SLC24A1: variants seen among roughly 807,000 people sequenced by gnomAD.
The protein encoded by SLC24A1 is sodium/potassium/calcium exchanger 1.
A neutral mutation model predicts 88.1 loss-of-function variants in SLC24A1; 52 were observed. That is an observed-to-expected ratio of 0.59 (90% CI 0.47 to 0.74). SLC24A1 has a LOEUF of 0.74. Among genes scored for constraint, SLC24A1 ranks in the 30% least tolerant of loss-of-function variants. The probability of loss-of-function intolerance (pLI) is 0.00; values close to 1 mark genes in which losing one functional copy is unlikely to be tolerated. For synonymous variants in SLC24A1, 455 were observed against 498.0 expected, an observed-to-expected ratio of 0.91 and a Z score of 1.15; for missense variants, 1,173 against 1,363.3, an observed-to-expected ratio of 0.86 and a Z score of 2.20.
intron 9 of SLC24A1, 69 bp downstream of exon 9, chr15:65,652,877 C>T: frequency 1.6e-6 from 2 of 1,283,282 alleles, no homozygotes; most frequent in African/African-American, 3.0e-5. Context: ...GCTCTGTTCA[C>T]TGGTTTTCTG....
downstream of SLC24A1, chr15:65,659,071 G>T (rs936294695): frequency 6.6e-6 from 1 of 152,152 alleles, no homozygotes; most frequent in African/African-American, 2.4e-5. Context: ...ATACGATATG[G>T]AATACAAATC....
rs760183851 is a variant in SLC24A1, at chr15:65,653,958, C to T, written c.3179C>T (p.Ala1060Val). The T allele has an allele frequency of 2.5e-5, 40 of 1,613,814 alleles. No individual in the cohort carries two copies. The South Asian group carries it at 2.7e-4, about 11-fold the overall frequency. Residue 1060 changes from alanine to valine, a missense_variant, in exon 10 of 10, where the codon GCG becomes GTG. Physicochemically the swap from Ala to Val is moderately conservative, Grantham distance 64. Transcript: ENST00000261892. ...CTTCTGTTTGTGATCTCTTCAATTG[C>T]GTCATGTAAATGGAGAATGAACAAG... is the stretch of plus-strand genomic sequence containing the variant. ...LMLLFVISSI[A>V]SCKWRMNKIL...
rs773726222 is a variant in SLC24A1, at chr15:65,624,950, C to T, written c.870C>T (p.Asn290=). Residue 290 remains asparagine (N), a synonymous_variant, in exon 2 of 10, where the codon AAC becomes AAT. Transcript: ENST00000261892. ...TTCCCCCCAGAAGAGTGGAAAGTAA[C>T]AGCTCAGCCCATCCCTGGGGGTTAG... ...NLFPPRRVES[N]SSAHPWGLVG... 2.5e-6 allele frequency: 4 copies of T among 1,610,508 alleles called. No homozygotes were observed. The highest frequency in any genetic ancestry group is 3.4e-5 in the Admixed American group (2 of 59,428).
chr15:65,657,403 A>G (rs895056512), downstream of SLC24A1, among the ~76,000 whole-genome samples: 1 of 152,136 alleles, frequency 6.6e-6, no homozygotes, highest in African/African-American at 2.4e-5. Flanking sequence ...GCACTTTGGG[A>G]GGCCAAGGTG....
At chr15:65,639,424 G>A (rs2075046551) in intron 3 of SLC24A1, among the ~76,000 whole-genome samples, 171 bp from the exon 4 acceptor site, 2 of 152,206 alleles carry the variant, frequency 1.3e-5, no homozygotes. Flanking sequence ...GGCTGAGAAA[G>A]AAAGTAGTGT....
chr15:65,628,537 C>A (rs74976533), intron 2 of SLC24A1, among the ~76,000 whole-genome samples: 1 of 152,326 alleles, frequency 6.6e-6, no homozygotes, highest in East Asian at 1.9e-4. Flanking sequence ...CTATTCCATA[C>A]ATACATTGTC....
At chr15:65,631,438 A>G (rs1249900506) in intron 2 of SLC24A1, among the ~76,000 whole-genome samples, 1 of 152,216 alleles carries the variant, frequency 6.6e-6, no homozygotes, top group Non-Finnish European at 1.5e-5. Context: ...ATAGAGAGTG[A>G]TTGTAAATAA....
At chr15:65,629,099 T>C (rs2074616708) in intron 2 of SLC24A1, among the ~76,000 whole-genome samples, 1 of 152,238 alleles carries the variant, frequency 6.6e-6, no homozygotes, top group Non-Finnish European at 1.5e-5. Context: ...CGTGGTATTT[T>C]AGTAAGAGCA....
chr15:65,637,321 A>T (rs1382652725), intron 2 of SLC24A1, among the ~76,000 whole-genome samples: 1 of 148,682 alleles, frequency 6.7e-6, no homozygotes, highest in Non-Finnish European at 1.5e-5. Context: ...GTTCACTGTT[A>T]TACAGCTTTC....
chr15:65,659,332 T>TG (rs1566974949), downstream of SLC24A1: 1 of 111,272 alleles, frequency 9.0e-6, no homozygotes, highest in African/African-American at 3.6e-5. Flanking sequence ...GTTTTTTTTT[T>TG]TTTTTTTTTT....
At chr15:65,618,694 A>G (rs189241737), upstream of SLC24A1, among the ~76,000 whole-genome samples, 2 of 151,980 alleles carry the variant, frequency 1.3e-5, no homozygotes, top group Non-Finnish European at 2.9e-5. Context: ...GCTTACAGGG[A>G]AAAAAAAGGT....
At chr15:65,657,370 G>T (rs372934763), downstream of SLC24A1, among the ~76,000 whole-genome samples, 1 of 152,150 alleles carries the variant, frequency 6.6e-6, no homozygotes, top group Non-Finnish European at 1.5e-5. Flanking sequence ...GGCCGGGCGC[G>T]GTGGCTCATG....
chr15:65,657,446 C>T (rs549009126), downstream of SLC24A1, among the ~76,000 whole-genome samples: 5 of 151,972 alleles, frequency 3.3e-5, no homozygotes, highest in South Asian at 1.0e-3. Flanking sequence ...TCGAGACCAT[C>T]CTGGCTAACA....
At chr15:65,659,873 C>G (rs2075802447), downstream of SLC24A1, 1 of 156,390 alleles carries the variant, frequency 6.4e-6, no homozygotes, top group African/African-American at 2.4e-5. Flanking sequence ...TGGTTTTACT[C>G]ATTCTTTGTC....
intron 2 of SLC24A1, among the ~76,000 whole-genome samples, chr15:65,613,488 G>GTGTGTGTGTGTT (rs2074039524): frequency 6.6e-6 from 1 of 151,740 alleles, no homozygotes; most frequent in South Asian, 2.1e-4. Flanking sequence ...TTTTGTGTGT[G>GTGTGTGTGTGTT]TGTGTGTGTG....
downstream of SLC24A1, among the ~76,000 whole-genome samples, chr15:65,657,873 C>G (rs1036959627): frequency 6.6e-6 from 1 of 152,186 alleles, no homozygotes. Flanking sequence ...TCTGCCTGCA[C>G]AACTAAAGGC....
rs191848957 is a variant in SLC24A1 at position 65,639,724 on chromosome 15, C to G, written c.2053+21C>G. ...GGAAGGTAAGCAAGGCCTCTCCAGA[C>G]CTTTGTGGTTTGCCCCATCCACTCC... is the stretch of plus-strand genomic sequence containing the variant. On this transcript the variant is annotated intron_variant, in intron 4 of 9. Coordinates refer to ENST00000261892, the MANE Select transcript of SLC24A1 (RefSeq NM_004727.3). 1.3e-5 allele frequency: 20 copies of G among 1,535,236 alleles called. No individual in the cohort carries two copies. In the Middle Eastern group the frequency reaches 5.0e-4, roughly 39 times the overall value.
chr15:65,652,831 A>T (rs755231749), intron 9 of SLC24A1, 23 bp downstream of exon 9: 2 of 1,565,948 alleles, frequency 1.3e-6, no homozygotes, highest in African/African-American at 2.7e-5. Context: ...GTAACTTTCT[A>T]AGGGGTGTTA....
At position 65,624,740 on chromosome 15, in the gene SLC24A1, G is replaced by A; in HGVS notation, c.660G>A (p.Val220=). ...ATGCGATCACCCCCAGGACAACAGT[G>A]AAAGACAGTGACATTACAGCAACCT... ...TSHAITPRTT[V]KDSDITATYK... The change falls in exon 2 of 10, where the codon GTG becomes GTA. Residue 220 remains valine, a synonymous_variant. Transcript: ENST00000261892. 6.2e-7 allele frequency: 1 copy of A among 1,613,114 alleles called. No individual in the cohort carries two copies. Among genetic ancestry groups the A allele is most frequent in the East Asian group, 2.2e-5 (1 of 44,880 alleles).
Sources: gnomAD v4.1 joint callset for allele counts (sites outside exome capture counted in the v4.1 genomes callset) on GRCh38, gnomAD v4.1.1 for gene constraint, MANE v1.5 for transcripts, NCBI Gene and HGNC (gene_info 2026-07-23, HGNC 2026-07-21) for gene names.